The following RAD51B variants were observed in gnomAD, a reference collection of about 807,000 sequenced individuals.
The protein encoded by RAD51B is DNA repair protein RAD51 homolog 2.
In RAD51B, 38 loss-of-function variants were observed where a neutral mutation model predicts 42.2. The observed-to-expected ratio is 0.90, with a 90% CI of 0.70 to 1.18. The LOEUF (loss-of-function observed/expected upper bound fraction) is 1.18, where lower values mean the gene tolerates loss of function less well. Among genes scored for constraint, RAD51B ranks in the 50% most tolerant of loss-of-function variants. RAD51B has a pLI of 0.00. For synonymous variants in RAD51B, 154 were observed against 145.2 expected (o/e 1.06, Z -0.43); for missense variants, 373 against 400.7 (o/e 0.93, Z 0.59).
chr14:68,571,038 G>A (rs1259072625), intron 10 of RAD51B, among the ~76,000 whole-genome samples: 1 of 152,200 alleles, frequency 6.6e-6, no homozygotes, highest in Non-Finnish European at 1.5e-5. Context: ...GGCTTTGTAA[G>A]CCTGACATGT....
chr14:68,045,236 C>CAAAAAAAAAA (rs537073885), intron 7 of RAD51B, among the ~76,000 whole-genome samples: 22 of 22,082 alleles, frequency 1.0e-3, no homozygotes, highest in African/African-American at 1.6e-3. Flanking sequence ...AACTCTGTCT[C>CAAAAAAAAAA]AAAAAAAAAA....
intron 7 of RAD51B, among the ~76,000 whole-genome samples, chr14:68,257,366 A>G (rs1039432066): frequency 1.1e-4 from 17 of 152,336 alleles, no homozygotes; most frequent in African/African-American, 3.8e-4. Context: ...TACATATTTT[A>G]CCACAATTAA....
At chr14:67,992,101 G>A (rs185119846) in intron 7 of RAD51B, among the ~76,000 whole-genome samples, 134 of 152,228 alleles carry the variant, frequency 8.8e-4, no homozygotes, top group Non-Finnish European at 1.6e-3. Flanking sequence ...TAGTAGTCCC[G>A]CTTTATTCTA....
At chr14:67,932,114 CT>C (rs1415699116) in intron 7 of RAD51B, among the ~76,000 whole-genome samples, 1 of 152,158 alleles carries the variant, frequency 6.6e-6, no homozygotes, top group Admixed American at 6.5e-5. Context: ...AGTTTTCAAT[CT>C]TTGTCTTCCT....
chr14:67,945,451 G>T (rs1322334433), intron 7 of RAD51B, among the ~76,000 whole-genome samples: 3 of 152,090 alleles, frequency 2.0e-5, no homozygotes, highest in Non-Finnish European at 2.9e-5. Context: ...ATATTTATGG[G>T]TATGTGATTG....
intron 7 of RAD51B, among the ~76,000 whole-genome samples, chr14:67,991,440 G>A (rs528857393): frequency 2.4e-4 from 36 of 152,266 alleles, no homozygotes; most frequent in Non-Finnish European, 5.0e-4. Flanking sequence ...GCAGACAGGG[G>A]TCTGAATTTC....
intron 4 of RAD51B, among the ~76,000 whole-genome samples, chr14:67,854,372 G>A (rs1286107348): frequency 6.6e-6 from 1 of 152,154 alleles, no homozygotes; most frequent in Non-Finnish European, 1.5e-5. Flanking sequence ...AGTGGCTCAC[G>A]CCTGTAATCC....
chr14:68,184,118 C>A (rs1261647205), intron 7 of RAD51B, among the ~76,000 whole-genome samples: 1 of 149,230 alleles, frequency 6.7e-6, no homozygotes, highest in African/African-American at 2.5e-5. Context: ...AAAAATTACC[C>A]GGGTATGGTG....
intron 10 of RAD51B, chr14:68,541,468 C>T (rs1004656792): frequency 2.0e-6 from 2 of 985,272 alleles, no homozygotes; most frequent in Non-Finnish European, 2.4e-6. Context: ...GGGAATGGCC[C>T]CTCTGGCTGA....
At chr14:67,927,928 T>C (rs1402190505) in intron 7 of RAD51B, among the ~76,000 whole-genome samples, 1 of 152,128 alleles carries the variant, frequency 6.6e-6, no homozygotes, top group African/African-American at 2.4e-5. Context: ...TGAAGACTTT[T>C]CCATTTATCT....
intron 7 of RAD51B, among the ~76,000 whole-genome samples, chr14:67,948,593 T>C (rs915922503): frequency 4.6e-5 from 7 of 152,154 alleles, no homozygotes; most frequent in Admixed American, 1.3e-4. Context: ...GTTATGTTTA[T>C]ACTACATTGT....
chr14:68,535,817 T>G (rs1887584993), intron 10 of RAD51B, among the ~76,000 whole-genome samples: 1 of 152,178 alleles, frequency 6.6e-6, no homozygotes, highest in Non-Finnish European at 1.5e-5. Flanking sequence ...GTGAGATACA[T>G]GCTCACTAGG....
exon 11 of RAD51B, chr14:68,595,029 T>TGC: frequency 1.9e-6 from 2 of 1,072,974 alleles, no homozygotes; most frequent in Non-Finnish European, 2.3e-6. Context: ...GCCTAGATTT[T>TGC]GCCCCAGTTT....
chr14:68,379,476 C>T (rs1040465910), intron 8 of RAD51B, among the ~76,000 whole-genome samples: 2 of 152,152 alleles, frequency 1.3e-5, no homozygotes, highest in Admixed American at 6.5e-5. Flanking sequence ...TGTCTATGAT[C>T]GGTGTCCTAG....
chr14:68,305,639 C>T (rs1180123807), intron 8 of RAD51B, among the ~76,000 whole-genome samples: 3 of 152,176 alleles, frequency 2.0e-5, no homozygotes, highest in African/African-American at 7.2e-5. Context: ...GAGAGATCAT[C>T]ATGATCTTTG....
At chr14:68,257,966 C>T (rs545862529) in intron 7 of RAD51B, among the ~76,000 whole-genome samples, 17 of 152,136 alleles carry the variant, frequency 1.1e-4, no homozygotes, top group East Asian at 1.9e-4. Flanking sequence ...ATTTTTTGAA[C>T]GCTTACTAAG....
chr14:68,401,527 C>A (rs1421030114), intron 8 of RAD51B, among the ~76,000 whole-genome samples: 1 of 152,166 alleles, frequency 6.6e-6, no homozygotes, highest in Non-Finnish European at 1.5e-5. Context: ...CTGTCTTCTG[C>A]TTCACATTTC....
At position 68,157,149 on chromosome 14, in the gene RAD51B, A is replaced by G. The variant is rs1050034762; in HGVS notation, c.757-134735A>G. On this transcript the variant is annotated intron_variant, in intron 7 of 10. Transcript: ENST00000471583. ...GTGGTTGAGTCAGCAGTGAACCATGATTACACCACTGCACTCCAGCCTAGT... is the reference window on the plus strand; with the variant it reads ...GTGGTTGAGTCAGCAGTGAACCATGGTTACACCACTGCACTCCAGCCTAGT... Among the ~76,000 whole-genome samples the G allele has an allele frequency of 4.6e-5, 7 of 152,292 alleles. No individual in the cohort carries two copies. The East Asian group carries it at 1.3e-3, about 29-fold the overall frequency.
intron 9 of RAD51B, among the ~76,000 whole-genome samples, chr14:68,436,078 G>C (rs1316266050): frequency 6.6e-6 from 1 of 152,096 alleles, no homozygotes; most frequent in Non-Finnish European, 1.5e-5. Context: ...TGAGGGCTTA[G>C]TCAAAAATTC....
Sources: allele counts gnomAD v4.1 joint callset (sites outside exome capture counted in the v4.1 genomes callset), GRCh38; gene constraint gnomAD v4.1.1; transcripts MANE v1.5; gene names NCBI Gene and HGNC (gene_info 2026-07-23, HGNC 2026-07-21).